GPR158: variants seen among roughly 807,000 people sequenced by gnomAD.
GPR158 encodes the protein metabotropic glycine receptor.
A neutral mutation model predicts 78.2 loss-of-function variants in GPR158; 30 were observed. The ratio of observed to expected loss-of-function variants is 0.38; its 90% CI spans 0.29 to 0.52. The LOEUF (loss-of-function observed/expected upper bound fraction) is 0.52, where lower values mean the gene tolerates loss of function less well. GPR158 is among the 20% of genes least tolerant of loss of function. The pLI, the probability that GPR158 is intolerant of heterozygous loss-of-function variation, is 0.83. For synonymous variants in GPR158, 581 were observed against 591.1 expected, an observed-to-expected ratio of 0.98 and a Z score of 0.25; for missense variants, 1,463 against 1,523.5, an observed-to-expected ratio of 0.96 and a Z score of 0.66.
chr10:25,176,311 C>T lies in GPR158; in HGVS notation c.891C>T (p.Val297=). 1 of 1,578,538 alleles carries T rather than the reference C, an allele frequency of 6.3e-7. No individual in the cohort carries two copies. Among genetic ancestry groups the T allele is most frequent in the Non-Finnish European group, 8.6e-7 (1 of 1,162,468 alleles). ...SAIYGLQPNL[V]PEFRGVMKVD... The stretch of plus-strand genomic sequence containing the variant: ...TCTACGGGTTGCAGCCTAACCTGGT[C>T]CCGGAATTCAGGTAGGGAGGGCCGG... Residue 297 remains valine, a synonymous_variant, in exon 1 of 11, where the codon GTC becomes GTT. Coordinates refer to ENST00000376351, the MANE Select transcript of GPR158 (RefSeq NM_020752.3). The surrounding 1 kb of genome is among the most constrained non-coding windows in gnomAD (Gnocchi z 6.3).
At chr10:25,597,237 C>T (rs528702169) in intron 10 of GPR158, among the ~76,000 whole-genome samples, 218 of 152,294 alleles carry the variant, frequency 1.4e-3, no homozygotes, top group African/African-American at 5.0e-3. Flanking sequence ...TAGTAGTCAA[C>T]GGACTATTAC....
At chr10:25,367,805 G>T (rs932510887) in intron 2 of GPR158, among the ~76,000 whole-genome samples, 1 of 151,600 alleles carries the variant, frequency 6.6e-6, no homozygotes, top group Non-Finnish European at 1.5e-5. Flanking sequence ...AATGGTTTTT[G>T]CCTTAAGATC....
intron 1 of GPR158, among the ~76,000 whole-genome samples, chr10:25,210,636 A>T (rs1853116722): frequency 6.6e-6 from 1 of 152,202 alleles, no homozygotes; most frequent in Middle Eastern, 3.4e-3. Context: ...GCATTTCTTC[A>T]TATGCTTGTG....
intron 5 of GPR158, among the ~76,000 whole-genome samples, chr10:25,477,855 G>T (rs920376265): frequency 6.6e-6 from 1 of 152,150 alleles, no homozygotes; most frequent in South Asian, 2.1e-4. Flanking sequence ...GAGAGCAAAA[G>T]ACATCAGAGA....
intron 2 of GPR158, among the ~76,000 whole-genome samples, chr10:25,254,077 A>T (rs1042533527): frequency 1.3e-5 from 2 of 152,208 alleles, no homozygotes; most frequent in African/African-American, 4.8e-5. Flanking sequence ...ATCATTAAAG[A>T]TAACTTCTGT....
intron 4 of GPR158, among the ~76,000 whole-genome samples, chr10:25,429,243 CAAATA>C (rs1431608613): frequency 1.3e-5 from 2 of 152,150 alleles, no homozygotes; most frequent in African/African-American, 4.8e-5. Flanking sequence ...AAGTGAATTT[CAAATA>C]AAATGTAGCA....
chr10:25,412,881 A>G (rs1364347573), intron 4 of GPR158, among the ~76,000 whole-genome samples: 2 of 152,182 alleles, frequency 1.3e-5, no homozygotes, highest in Non-Finnish European at 2.9e-5. Flanking sequence ...TGACTCAACT[A>G]TTTTTAGCGC....
At chr10:25,545,730 T>C (rs1242333485) in intron 5 of GPR158, among the ~76,000 whole-genome samples, 1 of 152,128 alleles carries the variant, frequency 6.6e-6, no homozygotes, top group Non-Finnish European at 1.5e-5. Flanking sequence ...TTTCCAAAAA[T>C]GAACATATTA....
intron 5 of GPR158, among the ~76,000 whole-genome samples, chr10:25,483,994 A>G (rs1835698599): frequency 6.6e-6 from 1 of 152,164 alleles, no homozygotes; most frequent in Non-Finnish European, 1.5e-5. Context: ...CTCTGTTTTT[A>G]TCTTTGTGTC....
At chr10:25,439,845 T>C (rs974644174) in intron 4 of GPR158, among the ~76,000 whole-genome samples, 7 of 152,216 alleles carry the variant, frequency 4.6e-5, no homozygotes, top group Non-Finnish European at 1.0e-4. Flanking sequence ...GTCTACAAAA[T>C]TTTTTGTTCT....
At position 25,412,372 on chromosome 10, in the gene GPR158, G is replaced by T; in HGVS notation, c.1234G>T (p.Glu412Ter). 6.2e-7 allele frequency: 1 copy of T among 1,613,964 alleles called. No individual in the cohort carries two copies. Residue 412 changes from glutamate to a stop codon, truncating the protein, a stop_gained, in exon 4 of 11, where the codon GAA becomes TAA. Coordinates refer to ENST00000376351, the MANE Select transcript of GPR158 (RefSeq NM_020752.3). LOFTEE classifies it high-confidence loss of function. ...TGATGACAGCCCATGCTTCGTCCAG[G>T]AAGATAAGTATTTACGACTTGCCAT... ...CADDSPCFVQ[E>*]DKYLRLAIIS...
At chr10:25,369,416 T>C (rs1468263309) in intron 2 of GPR158, among the ~76,000 whole-genome samples, 1 of 149,692 alleles carries the variant, frequency 6.7e-6, no homozygotes, top group African/African-American at 2.5e-5. Context: ...TCTGCATCTA[T>C]TGAGATAATC....
chr10:25,466,154 TC>T (rs1412841851), intron 4 of GPR158: 3 of 152,512 alleles, frequency 2.0e-5, no homozygotes, highest in Non-Finnish European at 4.4e-5. Flanking sequence ...CCCTTCCGGG[TC>T]CCTTTTCGCC....
chr10:25,541,247 CTG>C (rs1363222991), intron 5 of GPR158, among the ~76,000 whole-genome samples: 1 of 152,038 alleles, frequency 6.6e-6, no homozygotes, highest in East Asian at 1.9e-4. Flanking sequence ...AAAATGCTCA[CTG>C]TGTATTTTTG....
At chr10:25,594,625 T>C (rs757465092) in intron 9 of GPR158, among the ~76,000 whole-genome samples, 41 of 152,144 alleles carry the variant, frequency 2.7e-4, no homozygotes, top group Non-Finnish European at 4.9e-4. Context: ...TCAGTCTTTT[T>C]CCAAATATAT....
At chr10:25,525,731 T>C (rs1401278146) in intron 5 of GPR158, among the ~76,000 whole-genome samples, 4 of 152,188 alleles carry the variant, frequency 2.6e-5, no homozygotes, top group African/African-American at 9.7e-5. Flanking sequence ...CAAAAATTGA[T>C]TGTGGTAATT....
chr10:25,460,210 CTCT>C (rs1433053787), intron 4 of GPR158, among the ~76,000 whole-genome samples: 4 of 148,070 alleles, frequency 2.7e-5, no homozygotes, highest in Non-Finnish European at 6.0e-5. Context: ...TTTTTTTTCC[CTCT>C]TCTTTTGAGA....
intron 1 of GPR158, among the ~76,000 whole-genome samples, chr10:25,187,988 A>C (rs190018643): frequency 6.6e-5 from 10 of 152,332 alleles, no homozygotes; most frequent in Admixed American, 2.6e-4. Context: ...ATACACCAAT[A>C]ACAGACAAAC....
intron 2 of GPR158, among the ~76,000 whole-genome samples, chr10:25,275,632 C>T (rs1378650141): frequency 1.3e-5 from 2 of 152,104 alleles, no homozygotes; most frequent in Non-Finnish European, 2.9e-5. Flanking sequence ...TTTTATTGCT[C>T]CAACTCTGAC....
Sources: gnomAD v4.1 joint callset for allele counts (sites outside exome capture counted in the v4.1 genomes callset) on GRCh38, gnomAD v4.1.1 for gene constraint, Gnocchi (gnomAD v3.1) non-coding constraint, MANE v1.5 for transcripts, NCBI Gene and HGNC (gene_info 2026-07-23, HGNC 2026-07-21) for gene names.